FHIT: variants seen among roughly 807,000 people sequenced by gnomAD.
FHIT encodes bis(5'-adenosyl)-triphosphatase.
Under a neutral mutation model 17.9 loss-of-function variants are expected in FHIT, and 19 were observed. The observed-to-expected ratio is 1.06, with a 90% CI of 0.74 to 1.56. FHIT has a LOEUF of 1.56. Ranked by LOEUF, FHIT falls within the 40% of genes most tolerant of loss-of-function variation. The probability of loss-of-function intolerance (pLI) is 0.00; values close to 1 mark genes in which losing one functional copy is unlikely to be tolerated. For synonymous variants in FHIT, 81 were observed against 69.7 expected (o/e 1.16, Z -0.81); for missense variants, 248 against 189.2 (o/e 1.31, Z -1.82).
chr3:60,211,456 A>G (rs1703451121), intron 5 of FHIT, among the ~76,000 whole-genome samples: 1 of 152,154 alleles, frequency 6.6e-6, no homozygotes, highest in African/African-American at 2.4e-5. Context: ...CATAATTATA[A>G]TGCAAAATTA....
intron 8 of FHIT, among the ~76,000 whole-genome samples, chr3:59,805,277 A>G (rs1700152337): frequency 6.6e-6 from 1 of 152,216 alleles, no homozygotes; most frequent in Non-Finnish European, 1.5e-5. Flanking sequence ...TAGGAATATT[A>G]AAGGCAATTT....
At chr3:60,429,601 A>G (rs1362810657) in intron 5 of FHIT, among the ~76,000 whole-genome samples, 3 of 152,074 alleles carry the variant, frequency 2.0e-5, no homozygotes, top group African/African-American at 4.8e-5. Flanking sequence ...GTTTAAGGGT[A>G]TCTATCACAC....
chr3:60,304,765 A>G (rs1037168734), intron 5 of FHIT, among the ~76,000 whole-genome samples: 1 of 152,166 alleles, frequency 6.6e-6, no homozygotes, highest in African/African-American at 2.4e-5. Flanking sequence ...TGGGAACTCT[A>G]AATTAGAAGC....
chr3:59,760,691 A>G (rs1404199602), intron 8 of FHIT, among the ~76,000 whole-genome samples: 2 of 152,196 alleles, frequency 1.3e-5, no homozygotes, highest in Non-Finnish European at 2.9e-5. Context: ...TTTCAATTAA[A>G]ATATCAAAGG....
intron 3 of FHIT, among the ~76,000 whole-genome samples, chr3:61,037,295 T>TTTA (rs1189797289): frequency 1.3e-5 from 2 of 152,102 alleles, no homozygotes; most frequent in Admixed American, 6.5e-5. Flanking sequence ...GGTGTCAGAG[T>TTTA]GCTTGGATTC....
At chr3:60,441,733 TATATATATATTTATATATATAAAA>T (rs1383032207) in intron 5 of FHIT, among the ~76,000 whole-genome samples, 28 of 70,092 alleles carry the variant, frequency 4.0e-4, no homozygotes, top group African/African-American at 1.1e-3. Context: ...TTTGTATTTA[TATATATATATTTATATATATAAAA>T]ATATATATAT....
intron 7 of FHIT, among the ~76,000 whole-genome samples, chr3:59,960,687 T>C (rs1707631545): frequency 6.6e-6 from 1 of 152,262 alleles, no homozygotes; most frequent in African/African-American, 2.4e-5. Flanking sequence ...TATATTCTTC[T>C]AATACACTTC....
At chr3:61,169,046 G>GCGTA (rs1204371132) in intron 2 of FHIT, among the ~76,000 whole-genome samples, 1 of 152,124 alleles carries the variant, frequency 6.6e-6, no homozygotes, top group Middle Eastern at 3.2e-3. Flanking sequence ...AATACTTAGG[G>GCGTA]CGTACACCTA....
At chr3:60,333,633 T>C (rs756915940) in intron 5 of FHIT, among the ~76,000 whole-genome samples, 3 of 152,216 alleles carry the variant, frequency 2.0e-5, no homozygotes, top group Admixed American at 6.5e-5. Flanking sequence ...CTAGATTACA[T>C]ACTTTTAAAA....
intron 2 of FHIT, among the ~76,000 whole-genome samples, chr3:61,121,268 G>T (rs926534228): frequency 6.6e-6 from 1 of 152,038 alleles, no homozygotes; most frequent in Non-Finnish European, 1.5e-5. Context: ...TCCTCGAGAA[G>T]AGCAAACCCA....
At chr3:60,066,767 C>T (rs1702531853) in intron 5 of FHIT, among the ~76,000 whole-genome samples, 1 of 150,246 alleles carries the variant, frequency 6.7e-6, no homozygotes, top group African/African-American at 2.4e-5. Flanking sequence ...CGCCATTCTC[C>T]TGCCTCAGCC....
chr3:60,458,148 G>A (rs1403198202), intron 5 of FHIT, among the ~76,000 whole-genome samples: 1 of 152,114 alleles, frequency 6.6e-6, no homozygotes, highest in Non-Finnish European at 1.5e-5. Flanking sequence ...GTTTATTGCG[G>A]CACTACTCAC....
intron 3 of FHIT, among the ~76,000 whole-genome samples, chr3:60,962,910 C>A (rs114295990): frequency 0.025 from 3,870 of 152,260 alleles, 78 homozygotes; most frequent in South Asian, 0.043. Context: ...TGTCTCACTG[C>A]CAGGCTTTGA....
chr3:60,191,679 T>C (rs564531107), intron 5 of FHIT, among the ~76,000 whole-genome samples: 2 of 152,124 alleles, frequency 1.3e-5, no homozygotes, highest in South Asian at 2.1e-4. Flanking sequence ...AGTGAGGACA[T>C]TGAAAAGAAT....
intron 5 of FHIT, among the ~76,000 whole-genome samples, chr3:60,124,138 G>C: frequency 6.7e-6 from 1 of 148,438 alleles, no homozygotes; most frequent in South Asian, 2.2e-4. Context: ...TTGTAGCTTT[G>C]AACTCCTGGG....
At chr3:60,883,777 A>G (rs1316611340) in intron 3 of FHIT, among the ~76,000 whole-genome samples, 3 of 152,296 alleles carry the variant, frequency 2.0e-5, no homozygotes, top group East Asian at 1.9e-4. Flanking sequence ...AACATTGGGG[A>G]AAATGCTTCT....
chr3:60,761,646 A>G (rs1267976284), intron 4 of FHIT, among the ~76,000 whole-genome samples: 2 of 148,310 alleles, frequency 1.3e-5, no homozygotes, highest in Non-Finnish European at 3.0e-5. Flanking sequence ...TCATTCCTAG[A>G]CACCACAAAA....
At chr3:60,362,333 T>C (rs896277386) in intron 5 of FHIT, among the ~76,000 whole-genome samples, 1 of 152,198 alleles carries the variant, frequency 6.6e-6, no homozygotes, top group Non-Finnish European at 1.5e-5. Flanking sequence ...TGGTTGATAT[T>C]GAGATACAAT....
chr3:60,921,655 T>C (rs996715847), intron 3 of FHIT, among the ~76,000 whole-genome samples: 1 of 152,204 alleles, frequency 6.6e-6, no homozygotes, highest in South Asian at 2.1e-4. Context: ...AATTATCCAG[T>C]TGATCTTAAA....
Sources: gnomAD v4.1 joint callset for allele counts (sites outside exome capture counted in the v4.1 genomes callset) on GRCh38, gnomAD v4.1.1 for gene constraint, MANE v1.5 for transcripts, NCBI Gene and HGNC (gene_info 2026-07-23, HGNC 2026-07-21) for gene names.